The following USP43 variants were observed in gnomAD, a reference collection of about 807,000 sequenced individuals.
USP43 encodes ubiquitin specific peptidase 43.
In USP43, 33 loss-of-function variants were observed where a neutral mutation model predicts 90.7. The observed-to-expected ratio is 0.36, with a 90% CI of 0.28 to 0.49. The LOEUF (loss-of-function observed/expected upper bound fraction) is 0.49. Ranked by LOEUF, USP43 falls within the 20% of genes least tolerant of loss-of-function variation. The probability of loss-of-function intolerance (pLI) is 0.98; values close to 1 mark genes in which losing one functional copy is unlikely to be tolerated. For missense variants in USP43, 1,274 were observed against 1,476.4 expected (o/e 0.86, Z 2.25); for synonymous variants, 598 against 615.8 (o/e 0.97, Z 0.43).
rs767511913 is a variant in USP43 at position 9,674,643 on chromosome 17, G to C, written c.741-248G>C. ...CTGAGTTGTACTCTACTATGTGGAC[G>C]TATCATATTCTGTTTACCCATTTGT... On this transcript the variant is annotated intron_variant, in intron 3 of 14. Coordinates refer to ENST00000285199, the MANE Select transcript of USP43 (RefSeq NM_153210.5). The surrounding 1 kb of genome is among the most constrained non-coding windows in gnomAD (Gnocchi z 4.4). Among the ~76,000 whole-genome samples the C allele has an allele frequency of 6.6e-6, 1 of 152,186 alleles. No homozygotes were observed. The highest frequency in any genetic ancestry group is 1.5e-5 in the Non-Finnish European group (1 of 68,040).
At chr17:9,680,116 G>A (rs1914067383) in intron 5 of USP43, 115 bp from the exon 6 acceptor site, 2 of 1,126,356 alleles carry the variant, frequency 1.8e-6, no homozygotes, top group African/African-American at 3.1e-5. Context: ...AAAATAAGTA[G>A]CCAATTGGAA....
intron 4 of USP43, among the ~76,000 whole-genome samples, chr17:9,676,097 T>C (rs1272186896): frequency 1.3e-5 from 2 of 152,230 alleles, no homozygotes; most frequent in Non-Finnish European, 1.5e-5. Flanking sequence ...ATGTCATCAG[T>C]AGTGTTGATT....
At chr17:9,655,084 GAAAAAAAAAAAAA>G (rs57985388) in intron 1 of USP43, among the ~76,000 whole-genome samples, 4 of 37,326 alleles carry the variant, frequency 1.1e-4, no homozygotes, top group South Asian at 2.5e-3. Flanking sequence ...AGAAAGAAAG[GAAAAAAAAAAAAA>G]AAAAAAAAAA....
chr17:9,677,267 AAAG>A (rs1913844956), intron 5 of USP43, among the ~76,000 whole-genome samples: 2 of 152,200 alleles, frequency 1.3e-5, no homozygotes, highest in Admixed American at 1.3e-4. Flanking sequence ...AATGGGGAAT[AAAG>A]AAGCCCTGAG....
At chr17:9,681,007 T>C (rs1313566508) in intron 6 of USP43, among the ~76,000 whole-genome samples, 1 of 140,650 alleles carries the variant, frequency 7.1e-6, no homozygotes, top group African/African-American at 2.6e-5. Context: ...ATATATTATA[T>C]GTAATATATA....
chr17:9,701,502 C>G lies in USP43; in HGVS notation c.1813C>G (p.Leu605Val). Residue 605 changes from leucine to valine, a missense_variant, in exon 12 of 15, where the codon CTG becomes GTG. Leu to Val is a conservative substitution (Grantham distance 32, BLOSUM62 1). This residue lies in a region of USP43 where 285 missense variants were observed against 349.6 expected (regional missense o/e 0.82). Coordinates refer to ENST00000285199, the MANE Select transcript of USP43 (RefSeq NM_153210.5). The surrounding 1 kb of genome is among the most constrained non-coding windows in gnomAD (Gnocchi z 7.2). ...VGERRNKLST[L>V]VKFPLSGLNM... ...CGAGAGAAGAAACAAGCTCTCCACG[C>G]TGGTGAAGTTTCCGCTCTCTGGACT... 2.5e-6 allele frequency: 4 copies of G among 1,570,050 alleles called. No individual in the cohort carries two copies. The highest frequency in any genetic ancestry group is 3.5e-6 in the Non-Finnish European group (4 of 1,157,648).
chr17:9,674,586 A>G lies in USP43; in HGVS notation c.741-305A>G, dbSNP rs1913644531. On this transcript the variant is annotated intron_variant, in intron 3 of 14. Coordinates refer to ENST00000285199, the MANE Select transcript of USP43 (RefSeq NM_153210.5). This position sits in a 1 kb window ranked among gnomAD's most constrained non-coding sequence, Gnocchi z 4.4. ...TGTTTTCAAGGTTCATCCACGTTGT[A>G]GTATGGACCAGGGGTTCATTCCTTT... is the stretch of plus-strand genomic sequence containing the variant. 6.6e-6 allele frequency among the ~76,000 whole-genome samples: 1 copy of G among 152,170 alleles called. No individual in the cohort carries two copies. Among genetic ancestry groups the G allele is most frequent in the Non-Finnish European group, 1.5e-5 (1 of 68,024 alleles).
intron 9 of USP43, among the ~76,000 whole-genome samples, chr17:9,694,081 A>G (rs958887267): frequency 2.0e-5 from 3 of 152,180 alleles, no homozygotes; most frequent in Admixed American, 6.5e-5. Flanking sequence ...TCATTGCAAC[A>G]TCTATGGGGC....
chr17:9,655,084 G>GAAAAAAAAAA (rs57985388), intron 1 of USP43, among the ~76,000 whole-genome samples: 3 of 37,356 alleles, frequency 8.0e-5, no homozygotes, highest in African/African-American at 2.0e-4. Flanking sequence ...AGAAAGAAAG[G>GAAAAAAAAAA]AAAAAAAAAA....
rs575017796 is a variant in USP43 at position 9,702,451 on chromosome 17, C to T, written c.2011+751C>T. ...TGGAACCAAGAGAGTGACATTCATT[C>T]TCATCTGTGATTCAGCGTGAGGAAT... On this transcript the variant is annotated intron_variant, in intron 12 of 14. Coordinates refer to ENST00000285199, the MANE Select transcript of USP43 (RefSeq NM_153210.5). Among the ~76,000 whole-genome samples the T allele has an allele frequency of 1.7e-3, 265 of 152,306 alleles. 1 individual carries two copies. The highest frequency in any genetic ancestry group is 6.8e-3 in the Middle Eastern group (2 of 294).
intron 1 of USP43, among the ~76,000 whole-genome samples, chr17:9,654,199 T>A (rs1912073131): frequency 1.3e-5 from 2 of 152,208 alleles, no homozygotes; most frequent in Admixed American, 1.3e-4. Flanking sequence ...ATTGAATAAC[T>A]TTTTAGTGTA....
intron 14 of USP43, among the ~76,000 whole-genome samples, chr17:9,714,948 G>A (rs1225647328): frequency 2.0e-5 from 3 of 152,208 alleles, no homozygotes; most frequent in Non-Finnish European, 4.4e-5. Flanking sequence ...CTTGCCAGGA[G>A]CATCTGCCAT....
intron 2 of USP43, among the ~76,000 whole-genome samples, chr17:9,659,567 GA>G (rs1912507279): frequency 6.6e-6 from 1 of 152,106 alleles, no homozygotes; most frequent in Non-Finnish European, 1.5e-5. Context: ...GGCTGCGTAG[GA>G]AAAGCCCTCT....
At chr17:9,648,861 C>T (rs1342299559) in intron 1 of USP43, among the ~76,000 whole-genome samples, 1 of 151,296 alleles carries the variant, frequency 6.6e-6, no homozygotes, top group Non-Finnish European at 1.5e-5. Context: ...TTCTCTTTCT[C>T]TCTCTCTTTT....
chr17:9,682,439 G>A (rs1914347779), intron 6 of USP43, among the ~76,000 whole-genome samples: 1 of 152,080 alleles, frequency 6.6e-6, no homozygotes, highest in Non-Finnish European at 1.5e-5. Flanking sequence ...GCGTGGTGGT[G>A]CACATCCACA....
chr17:9,704,412 C>T (rs1915757102), intron 12 of USP43, among the ~76,000 whole-genome samples: 1 of 152,126 alleles, frequency 6.6e-6, no homozygotes, highest in South Asian at 2.1e-4. Flanking sequence ...AAGTGATTCT[C>T]CTGCCCCAGC....
chr17:9,675,742 T>C (rs1222178355), intron 4 of USP43, among the ~76,000 whole-genome samples: 1 of 152,242 alleles, frequency 6.6e-6, no homozygotes, highest in Non-Finnish European at 1.5e-5. Flanking sequence ...CTTTCTGCTC[T>C]AAAATTGTGT....
chr17:9,675,162 C>T (rs1913685678), intron 4 of USP43, among the ~76,000 whole-genome samples, 179 bp downstream of exon 4: 1 of 152,184 alleles, frequency 6.6e-6, no homozygotes, highest in Non-Finnish European at 1.5e-5. Flanking sequence ...TGAAAGGTTA[C>T]TGTGTTCCTT....
chr17:9,681,506 A>ATATT, intron 6 of USP43, among the ~76,000 whole-genome samples: 1 of 101,010 alleles, frequency 9.9e-6, no homozygotes, highest in Non-Finnish European at 1.9e-5. Flanking sequence ...ATATATATAT[A>ATATT]TATTTGAGAT....
Sources: allele counts gnomAD v4.1 joint callset (sites outside exome capture counted in the v4.1 genomes callset), GRCh38; gene constraint gnomAD v4.1.1; regional missense constraint gnomAD v4.1.1; non-coding constraint Gnocchi (gnomAD v3.1); transcripts MANE v1.5; gene names NCBI Gene and HGNC (gene_info 2026-07-23, HGNC 2026-07-21).